Variants in ZNF239 observed in about 807,000 individuals in gnomAD.
ZNF239 encodes the protein zinc finger protein (C2H2) homologous to mouse MOK-2.
Under a neutral mutation model 27.5 loss-of-function variants are expected in ZNF239, and 16 were observed. That is an observed-to-expected ratio of 0.58 (90% CI 0.39 to 0.88). The LOEUF (loss-of-function observed/expected upper bound fraction) is 0.88. Ranked by LOEUF, ZNF239 falls within the 40% of genes least tolerant of loss-of-function variation. ZNF239 has a pLI of 0.00. For missense variants in ZNF239, 527 were observed against 551.9 expected, an observed-to-expected ratio of 0.95 and a Z score of 0.45; for synonymous variants, 199 against 192.6, an observed-to-expected ratio of 1.03 and a Z score of -0.27.
chr10:43,563,940 T>C (rs1049276234), intron 3 of ZNF239, among the ~76,000 whole-genome samples: 1 of 152,116 alleles, frequency 6.6e-6, no homozygotes, highest in African/African-American at 2.4e-5. Context: ...ATTACAGGCA[T>C]GTACCACCAT....
rs367754137 is a variant in ZNF239 at position 43,557,538 on chromosome 10, T to G, written c.542A>C (p.His181Pro). 11 of 1,614,056 alleles carry G rather than the reference T, an allele frequency of 6.8e-6. No homozygotes were observed. Among genetic ancestry groups the G allele is most frequent in the South Asian group, 1.1e-5 (1 of 91,082 alleles). ...GTTAAGTATTTTCCCACAGTTATTA[T>G]GGTCACAGGGTTTCTCCTCTGTATG... ...RAHTEEKPCDHNNCGKILNTS... is the reference protein window; with the variant it reads ...RAHTEEKPCDPNNCGKILNTS... The change falls in exon 4 of 4, where the codon CAT (histidine) becomes CCT (proline). Residue 181 changes from histidine (H) to proline (P), a missense_variant. By Grantham distance (77) the His-to-Pro change is moderately conservative. Transcript: ENST00000374446.
Position 43,557,782 on chromosome 10 carries a change from C to T in ZNF239, c.298G>A (p.Glu100Lys), listed in dbSNP as rs554146935. The T allele has an allele frequency of 3.1e-6, 5 of 1,614,166 alleles. No homozygotes were observed. The African/African-American group carries it at 5.3e-5, about 17-fold the overall frequency. The change falls in exon 4 of 4, where the codon GAA becomes AAA. Residue 100 changes from glutamate (E) to lysine (K), a missense_variant. By Grantham distance (56) the Glu-to-Lys change is moderately conservative (BLOSUM62 1). Coordinates refer to ENST00000374446, the MANE Select transcript of ZNF239 (RefSeq NM_001099282.2). ...TTTATCACTTTTCTCTCAGTGCTTT[C>T]TTCCATTACAAAGAGACGTCTGCTT... ...QESRRLFVMEESTERKVIKGE... is the reference protein window; with the variant it reads ...QESRRLFVMEKSTERKVIKGE...
At position 43,556,992 on chromosome 10, in the gene ZNF239, T is replaced by A; in HGVS notation, c.1088A>T (p.His363Leu). The A allele has an allele frequency of 1.2e-6, 2 of 1,613,526 alleles. No homozygotes were observed. Among genetic ancestry groups the A allele is most frequent in the Non-Finnish European group, 1.7e-6 (2 of 1,179,872 alleles). The change falls in exon 4 of 4, where the codon CAC (histidine) becomes CTC (leucine). Residue 363 changes from histidine (H) to leucine (L), a missense_variant. Transcript: ENST00000374446. ...TCCTGTGTGGATGCACCGGTGAATG[T>A]GAAGGTTCGAGCTCTGACTGAAGCC... ...GKGFSQSSNLHIHRCIHTGEK... is the reference protein window; with the variant it reads ...GKGFSQSSNLLIHRCIHTGEK...
In ZNF239 at chr10:43,572,751, A is replaced by C. The variant is rs536127817; in HGVS notation, c.-216+886T>G. Reference sequence around the variant, plus strand: ...GGCTGACCATCTCAAATACCCTGGGAGTCTAAGGGTTAATTTTGAGGTAAC... The same window carrying C: ...GGCTGACCATCTCAAATACCCTGGGCGTCTAAGGGTTAATTTTGAGGTAAC... On this transcript the variant is annotated intron_variant, in intron 2 of 3. Coordinates refer to ENST00000374446, the MANE Select transcript of ZNF239 (RefSeq NM_001099282.2). Among the ~76,000 whole-genome samples, 54 of 152,352 alleles carry C rather than the reference A, an allele frequency of 3.5e-4. 1 individual carries two copies. In the South Asian group the frequency reaches 6.6e-3, roughly 19 times the overall value.
chr10:43,559,982 GA>G (rs1837105493), intron 3 of ZNF239, among the ~76,000 whole-genome samples: 1 of 152,122 alleles, frequency 6.6e-6, no homozygotes, highest in Non-Finnish European at 1.5e-5. Context: ...CAAAGTAAGG[GA>G]GCACTGACCC....
At chr10:43,570,190 G>A (rs1837941217) in intron 2 of ZNF239, 1 of 985,258 alleles carries the variant, frequency 1.0e-6, no homozygotes, top group African/African-American at 1.7e-5. Flanking sequence ...TGTCACCAGT[G>A]GGGAAGGATG....
intron 3 of ZNF239, among the ~76,000 whole-genome samples, chr10:43,560,674 A>G (rs1837170247): frequency 6.6e-6 from 1 of 150,640 alleles, no homozygotes; most frequent in African/African-American, 2.4e-5. Flanking sequence ...AAAAAGGCCT[A>G]TAATATCCAC....
rs985551003 is a variant in ZNF239, at chr10:43,568,245, C to T, written c.-215-224G>A. The T allele has an allele frequency of 2.9e-5, 29 of 985,374 alleles. No homozygotes were observed. In the East Asian group the frequency reaches 4.5e-4, roughly 15 times the overall value. 61.0% of individuals were successfully genotyped at this position (985,374 alleles called of 1,614,324 possible). On this transcript the variant is annotated intron_variant, in intron 2 of 3. Coordinates refer to ENST00000374446, the MANE Select transcript of ZNF239 (RefSeq NM_001099282.2). ...TTCCCTCCTGCCCACAACATATCTA[C>T]GCTCAAGTTCTCAGCTACTGAATCT... is the stretch of plus-strand genomic sequence containing the variant.
At chr10:43,570,309 G>C (rs1182227191) in intron 2 of ZNF239, 9 of 985,346 alleles carry the variant, frequency 9.1e-6, no homozygotes, top group Non-Finnish European at 1.1e-5. Flanking sequence ...AAGCCCCGGA[G>C]TAAAGGTGGG....
intron 3 of ZNF239, among the ~76,000 whole-genome samples, chr10:43,563,567 G>C (rs1588797522): frequency 6.6e-6 from 1 of 152,168 alleles, no homozygotes; most frequent in African/African-American, 2.4e-5. Flanking sequence ...TGTGTTGTTT[G>C]AGTTTTTGAG....
At chr10:43,574,333 A>C (rs2132324175) in intron 1 of ZNF239, among the ~76,000 whole-genome samples, 1 of 152,246 alleles carries the variant, frequency 6.6e-6, no homozygotes, top group South Asian at 2.1e-4. Flanking sequence ...GTGTGGCCGC[A>C]GCCCGGCCCC....
At chr10:43,564,916 G>T (rs993877813) in intron 3 of ZNF239, among the ~76,000 whole-genome samples, 2 of 151,988 alleles carry the variant, frequency 1.3e-5, no homozygotes, top group South Asian at 2.1e-4. Context: ...CTATAAGAAG[G>T]GAACTTAAAA....
Position 43,557,506 on chromosome 10 carries a change from G to A in ZNF239, c.574C>T (p.Pro192Ser). 2 of 1,614,130 alleles carry A rather than the reference G, an allele frequency of 1.2e-6. No individual in the cohort carries two copies. Among genetic ancestry groups the A allele is most frequent in the Non-Finnish European group, 8.5e-7 (1 of 1,180,022 alleles). ...ATTTTCTCATATGGATGACCATCTG[G>A]GCTGGTGTTAAGTATTTTCCCACAG... ...NNCGKILNTS[P>S]DGHPYEKIHT... The change falls in exon 4 of 4, where the codon CCA (proline) becomes TCA (serine). Residue 192 changes from proline (P) to serine (S), a missense_variant. Coordinates refer to ENST00000374446, the MANE Select transcript of ZNF239 (RefSeq NM_001099282.2).
At chr10:43,573,607 C>T in intron 2 of ZNF239, 30 bp downstream of exon 2, 1 of 985,260 alleles carries the variant, frequency 1.0e-6, no homozygotes, top group Non-Finnish European at 1.2e-6. Flanking sequence ...AGGGAGATGG[C>T]ATTTTAGGAG....
chr10:43,572,785 G>C (rs1310661104), intron 2 of ZNF239, among the ~76,000 whole-genome samples: 1 of 152,216 alleles, frequency 6.6e-6, no homozygotes, highest in East Asian at 1.9e-4. Flanking sequence ...ACCTCCTACA[G>C]ATGGTTTTAT....
At chr10:43,565,814 CAAGAAAA>C (rs1837597668) in intron 3 of ZNF239, among the ~76,000 whole-genome samples, 1 of 48,948 alleles carries the variant, frequency 2.0e-5, no homozygotes, top group Admixed American at 3.4e-4. Context: ...GACTCCATCT[CAAGAAAA>C]AAAAAAAAAA....
At chr10:43,559,118 T>G (rs115643856) in intron 3 of ZNF239, among the ~76,000 whole-genome samples, 3 of 151,886 alleles carry the variant, frequency 2.0e-5, no homozygotes, top group African/African-American at 7.3e-5. Flanking sequence ...ACGAAGGAGA[T>G]AAAAACAGTA....
intron 1 of ZNF239, 69 bp downstream of exon 1, chr10:43,574,471 C>A (rs1047060461): frequency 2.6e-5 from 4 of 152,408 alleles, no homozygotes; most frequent in African/African-American, 9.6e-5. Context: ...AGCGCCTTAC[C>A]CGCGGCACAC....
At position 43,557,019 on chromosome 10, in the gene ZNF239, T is replaced by C. The variant is rs765003768; in HGVS notation, c.1061A>G (p.Lys354Arg). The change falls in exon 4 of 4, where the codon AAG (lysine) becomes AGG (arginine). Residue 354 changes from lysine to arginine, a missense_variant. Transcript: ENST00000374446. ...AAGGTTCGAGCTCTGACTGAAGCCC[T>C]TCCCACACTCACCACACTTGTAGGG... The part of the protein sequence containing the change: ...ERPYKCGECG[K>R]GFSQSSNLHI... The C allele has an allele frequency of 1.9e-6, 3 of 1,614,022 alleles. No homozygotes were observed. The Admixed American group carries it at 5.0e-5, about 27-fold the overall frequency.
Sources: gnomAD v4.1 joint callset for allele counts (sites outside exome capture counted in the v4.1 genomes callset) on GRCh38, gnomAD v4.1.1 for gene constraint, MANE v1.5 for transcripts, NCBI Gene and HGNC (gene_info 2026-07-23, HGNC 2026-07-21) for gene names.